The following TRIM37 variants were observed in gnomAD, a reference collection of about 807,000 sequenced individuals.
TRIM37 encodes E3 ubiquitin-protein ligase TRIM37.
In TRIM37, 80 loss-of-function variants were observed where a neutral mutation model predicts 129.8. That is an observed-to-expected ratio of 0.62 (90% CI 0.51 to 0.74). TRIM37 has a LOEUF of 0.74. Among genes scored for constraint, TRIM37 ranks in the 30% least tolerant of loss-of-function variants. The pLI is 0.00. For missense variants in TRIM37, 1,054 were observed against 1,176.5 expected (o/e 0.90, Z 1.52); for synonymous variants, 389 against 387.1 (o/e 1.00, Z -0.06).
chr17:59,087,198 C>T (rs1303924238), intron 4 of TRIM37, among the ~76,000 whole-genome samples: 1 of 151,932 alleles, frequency 6.6e-6, no homozygotes, highest in East Asian at 1.9e-4. Context: ...TGGGCTCAAG[C>T]GATTCTCCTG....
At chr17:59,098,608 T>C (rs112080381) in intron 2 of TRIM37, among the ~76,000 whole-genome samples, 9,355 of 146,874 alleles carry the variant, frequency 0.064, 578 homozygotes, top group South Asian at 0.26. Context: ...GAGGCTGCAG[T>C]GAGCCATGAT....
At chr17:59,051,904 G>T (rs2146212431) in intron 13 of TRIM37, among the ~76,000 whole-genome samples, 1 of 152,076 alleles carries the variant, frequency 6.6e-6, no homozygotes, top group South Asian at 2.1e-4. Flanking sequence ...CTAATTTTTT[G>T]TAGCAAAATA....
intron 2 of TRIM37, among the ~76,000 whole-genome samples, chr17:59,096,951 C>G (rs139761100): frequency 6.6e-6 from 1 of 152,132 alleles, no homozygotes; most frequent in East Asian, 1.9e-4. Context: ...GGATTTATTC[C>G]TAGAATAGAA....
intron 21 of TRIM37, among the ~76,000 whole-genome samples, chr17:59,013,720 GT>G (rs1016838438): frequency 1.5e-4 from 23 of 151,514 alleles, no homozygotes; most frequent in African/African-American, 5.6e-4. Flanking sequence ...CAGAGGCAAG[GT>G]CTTGCTATGT....
chr17:59,098,876 C>T (rs2045177035), intron 2 of TRIM37, among the ~76,000 whole-genome samples: 1 of 151,934 alleles, frequency 6.6e-6, no homozygotes, highest in South Asian at 2.1e-4. Flanking sequence ...CCCAAGTGTC[C>T]ATCAAGAGAT....
chr17:59,000,496 G>T (rs954713574), intron 23 of TRIM37, among the ~76,000 whole-genome samples: 1 of 152,178 alleles, frequency 6.6e-6, no homozygotes, highest in Non-Finnish European at 1.5e-5. Flanking sequence ...AGCTATTCAG[G>T]AGGCTGAGGT....
At position 59,101,007 on chromosome 17, in the gene TRIM37, A is replaced by G. The variant is rs544574138; in HGVS notation, c.123+3286T>C. ...ATTGCACTCCAGGCTGGGCAACAAG[A>G]GCAAAACGCCGTCTCAAAAAAAAAA... On this transcript the variant is annotated intron_variant, in intron 2 of 23. Coordinates refer to ENST00000262294, the MANE Select transcript of TRIM37 (RefSeq NM_015294.6). Among the ~76,000 whole-genome samples, 53 of 148,344 alleles carry G rather than the reference A, an allele frequency of 3.6e-4. 1 individual carries two copies. The South Asian group carries it at 9.8e-3, about 27-fold the overall frequency.
chr17:59,037,258 G>A (rs1418266220), intron 17 of TRIM37, among the ~76,000 whole-genome samples: 1 of 151,760 alleles, frequency 6.6e-6, no homozygotes, highest in Non-Finnish European at 1.5e-5. Flanking sequence ...CATTGCCTTG[G>A]TTTAAAAAGC....
At chr17:59,023,980 G>A (rs867662273) in intron 19 of TRIM37, among the ~76,000 whole-genome samples, 12 of 152,070 alleles carry the variant, frequency 7.9e-5, no homozygotes, top group Middle Eastern at 3.4e-3. Context: ...TTGGGAGGCC[G>A]AGGTGGGTGG....
chr17:59,074,307 T>C (rs144439656), intron 8 of TRIM37, among the ~76,000 whole-genome samples: 2 of 152,216 alleles, frequency 1.3e-5, no homozygotes, highest in Non-Finnish European at 2.9e-5. Flanking sequence ...GTATAGGTTA[T>C]ATGAGAATAC....
intron 17 of TRIM37, among the ~76,000 whole-genome samples, chr17:59,033,728 C>T (rs1307700691): frequency 6.6e-6 from 1 of 151,566 alleles, no homozygotes; most frequent in East Asian, 2.0e-4. Flanking sequence ...ACTGTTTTTA[C>T]CTCTTTTCTT....
intron 8 of TRIM37, among the ~76,000 whole-genome samples, chr17:59,072,885 C>T (rs933521918): frequency 6.6e-6 from 1 of 152,076 alleles, no homozygotes; most frequent in Non-Finnish European, 1.5e-5. Flanking sequence ...CAGAAAACAA[C>T]AAACAGCTGC....
chr17:59,017,565 C>T, intron 19 of TRIM37, 141 bp from the exon 20 acceptor site: 2 of 1,160,280 alleles, frequency 1.7e-6, no homozygotes, highest in Non-Finnish European at 2.5e-6. Flanking sequence ...ATTCTGTAGC[C>T]CCAATTGGTT....
chr17:59,081,188 T>C lies in TRIM37; in HGVS notation c.401A>G (p.Glu134Gly). 1 of 1,613,978 alleles carries C rather than the reference T, an allele frequency of 6.2e-7. No individual in the cohort carries two copies. The highest frequency in any genetic ancestry group is 8.5e-7 in the Non-Finnish European group (1 of 1,179,920). The change falls in exon 6 of 24, where the codon GAA becomes GGA. Residue 134 changes from glutamate (E) to glycine (G), a missense_variant. By Grantham distance (98) the Glu-to-Gly change is moderately conservative (BLOSUM62 -2). Around this residue, in one of 3 missense-constraint regions of TRIM37, gnomAD observed 752 missense variants for 870.8 expected, o/e 0.86. Coordinates refer to ENST00000262294, the MANE Select transcript of TRIM37 (RefSeq NM_015294.6). ...HGGHTFKPLA[E>G]IYEQHVTKVN... ...TTTAGTGACGTGTTGCTCATAAATT[T>C]CTGCCAAAGGTTTAAAGGTATGTCC...
intron 17 of TRIM37, among the ~76,000 whole-genome samples, chr17:59,037,591 G>GCC (rs2038690991): frequency 3.1e-5 from 4 of 128,730 alleles, no homozygotes; most frequent in South Asian, 2.4e-4. Flanking sequence ...AAAAAAAAAG[G>GCC]CTTTTTTAAT....
chr17:59,041,122 C>T (rs1458779530), intron 17 of TRIM37, among the ~76,000 whole-genome samples: 1 of 151,832 alleles, frequency 6.6e-6, no homozygotes, highest in Non-Finnish European at 1.5e-5. Flanking sequence ...CAGTAGAAAG[C>T]TAACTTTTAA....
At chr17:59,040,142 G>A (rs2038990749) in intron 17 of TRIM37, among the ~76,000 whole-genome samples, 1 of 152,060 alleles carries the variant, frequency 6.6e-6, no homozygotes, top group Non-Finnish European at 1.5e-5. Flanking sequence ...CTGGACTCAA[G>A]CGATGCACCC....
chr17:59,045,708 A>T (rs572030105), intron 16 of TRIM37, among the ~76,000 whole-genome samples: 1 of 152,024 alleles, frequency 6.6e-6, no homozygotes, highest in South Asian at 2.1e-4. Flanking sequence ...CCAGGAATGC[A>T]AGCTTGGTTT....
Position 59,056,852 on chromosome 17 carries a change from CA to C in TRIM37, c.1199+22del, listed in dbSNP as rs754801313. ...TATTATTTCCCCACAATAAAAACCACAACATCAAATTTTTCCTGTTACCTTA... is the reference window on the plus strand; with the variant it reads ...TATTATTTCCCCACAATAAAAACCACACATCAAATTTTTCCTGTTACCTTA... On this transcript the variant is annotated intron_variant, in intron 13 of 23. Coordinates refer to ENST00000262294, the MANE Select transcript of TRIM37 (RefSeq NM_015294.6). The C allele has an allele frequency of 4.6e-6, 7 of 1,529,696 alleles. No individual in the cohort carries two copies. The East Asian group carries it at 1.4e-4, about 30-fold the overall frequency. The allele number at this position is 1,529,696 out of a possible 1,614,324, so 94.8% of individuals were successfully genotyped here. A position where few individuals can be genotyped will look rare whatever the true frequency, so the allele number is the denominator to read the frequency against.
Sources: gnomAD v4.1 joint callset for allele counts (sites outside exome capture counted in the v4.1 genomes callset) on GRCh38, gnomAD v4.1.1 for gene constraint, gnomAD v4.1.1 regional missense constraint, MANE v1.5 for transcripts, NCBI Gene and HGNC (gene_info 2026-07-23, HGNC 2026-07-21) for gene names.